Variants in CMTM8 observed in about 807,000 individuals in gnomAD.
The protein encoded by CMTM8 is CKLF like MARVEL transmembrane domain containing 8.
CMTM8 carries 12 observed loss-of-function variants against 18.6 expected under a neutral mutation model. The observed-to-expected ratio is 0.65, with a 90% CI of 0.41 to 1.05. The LOEUF (loss-of-function observed/expected upper bound fraction) is 1.05. Among genes scored for constraint, CMTM8 ranks in the 50% least tolerant of loss-of-function variants. The pLI is 0.00. For missense variants in CMTM8, 217 were observed against 227.2 expected (o/e 0.95, Z 0.29); for synonymous variants, 87 against 90.6 (o/e 0.96, Z 0.23).
intron 1 of CMTM8, among the ~76,000 whole-genome samples, chr3:32,276,450 T>G (rs1702520311): frequency 6.6e-6 from 1 of 152,164 alleles, no homozygotes; most frequent in African/African-American, 2.4e-5. Flanking sequence ...GGATAGCAAG[T>G]GGTTTGAACT....
rs185003948 is a variant in CMTM8 at position 32,329,247 on chromosome 3, G to T, written c.148-28126G>T. 2.2e-4 allele frequency among the ~76,000 whole-genome samples: 34 copies of T among 152,162 alleles called. 1 individual carries two copies. Among genetic ancestry groups the T allele is most frequent in the Admixed American group, 1.7e-3 (26 of 15,282 alleles). On this transcript the variant is annotated intron_variant, in intron 1 of 3. Coordinates refer to ENST00000307526, the MANE Select transcript of CMTM8 (RefSeq NM_178868.5). ...AGCCCGGCTAATTTTTGTATTTTTAGTAGAGGTGGAGTTTCACCATGTTGA... is the reference window on the plus strand; with the variant it reads ...AGCCCGGCTAATTTTTGTATTTTTATTAGAGGTGGAGTTTCACCATGTTGA...
At chr3:32,329,314 C>T (rs1007754671) in intron 1 of CMTM8, among the ~76,000 whole-genome samples, 9 of 152,324 alleles carry the variant, frequency 5.9e-5, no homozygotes, top group Admixed American at 4.6e-4. Context: ...GATCCACCCA[C>T]CTCAGCTTCC....
In CMTM8 at chr3:32,361,286, G is replaced by GTTTGTTTTTTTTTTTTTTTTTTTTTT. The variant is rs140270969; in HGVS notation, c.321+3743_321+3744insGTTTTTTTTTTTTTTTTTTTTTTTTT. 1.5e-4 allele frequency among the ~76,000 whole-genome samples: 13 copies of GTTTGTTTTTTTTTTTTTTTTTTTTTT among 87,260 alleles called. 1 individual carries two copies. Among genetic ancestry groups the GTTTGTTTTTTTTTTTTTTTTTTTTTT allele is most frequent in the South Asian group, 4.6e-4 (1 of 2,196 alleles). 57.2% of individuals were successfully genotyped at this position (87,260 alleles called of 152,430 possible). A position where few individuals can be genotyped will look rare whatever the true frequency, so the allele number is the denominator to read the frequency against. ...GTGAGCCACGGCGCCCAGCCTAAGA[G>GTTTGTTTTTTTTTTTTTTTTTTTTTT]TTTTTTTTTCTTTCAAATTTTGGAA... On this transcript the variant is annotated intron_variant, in intron 2 of 3. Coordinates refer to ENST00000307526, the MANE Select transcript of CMTM8 (RefSeq NM_178868.5).
chr3:32,257,317 T>G (rs1702187068), intron 1 of CMTM8, among the ~76,000 whole-genome samples: 1 of 152,224 alleles, frequency 6.6e-6, no homozygotes, highest in Non-Finnish European at 1.5e-5. Flanking sequence ...TTTGGGCTCT[T>G]TATAAGTACT....
At chr3:32,314,917 T>C (rs1423008537) in intron 1 of CMTM8, among the ~76,000 whole-genome samples, 1 of 2,700 alleles carries the variant, frequency 3.7e-4, no homozygotes, top group Non-Finnish European at 0.017. Context: ...TACACAGATC[T>C]TTATTTTTTT....
intron 1 of CMTM8, among the ~76,000 whole-genome samples, chr3:32,303,430 A>C (rs1433776522): frequency 6.6e-6 from 1 of 152,214 alleles, no homozygotes; most frequent in Admixed American, 6.5e-5. Flanking sequence ...ACAGGGTCAA[A>C]TGTGTTGGTT....
chr3:32,366,075 A>T (rs1340809329), intron 2 of CMTM8, among the ~76,000 whole-genome samples: 1 of 152,082 alleles, frequency 6.6e-6, no homozygotes, highest in Non-Finnish European at 1.5e-5. Context: ...TTCCCCGGAC[A>T]TGTTTACTTT....
intron 1 of CMTM8, among the ~76,000 whole-genome samples, chr3:32,295,483 A>AAAAAAAAAG (rs1559372458): frequency 8.5e-6 from 1 of 117,052 alleles, no homozygotes; most frequent in African/African-American, 3.7e-5. Context: ...AAAAAACAAA[A>AAAAAAAAAG]CAAAACAGCG....
chr3:32,312,826 T>G (rs1036564768), intron 1 of CMTM8, among the ~76,000 whole-genome samples: 1 of 151,620 alleles, frequency 6.6e-6, no homozygotes, highest in African/African-American at 2.4e-5. Context: ...AATCACCTTA[T>G]TAACATAAAC....
intron 1 of CMTM8, among the ~76,000 whole-genome samples, chr3:32,328,738 T>C (rs1412338165): frequency 6.6e-6 from 1 of 152,126 alleles, no homozygotes; most frequent in African/African-American, 2.4e-5. Context: ...TTGGATAATC[T>C]AGAAGAACAG....
chr3:32,277,751 G>C lies in CMTM8; in HGVS notation c.147+38632G>C, dbSNP rs116707613. On this transcript the variant is annotated intron_variant, in intron 1 of 3. Transcript: ENST00000307526. The stretch of plus-strand genomic sequence containing the variant: ...TGTTGAAAATCAGAATTAGTTGCCA[G>C]TAAGTAAATATCAGATATTATAAGA... 1.4e-3 allele frequency among the ~76,000 whole-genome samples: 219 copies of C among 152,314 alleles called. 1 individual carries two copies. The highest frequency in any genetic ancestry group is 2.2e-3 in the Non-Finnish European group (147 of 68,030).
Position 32,345,451 on chromosome 3 carries a change from G to A in CMTM8, c.148-11922G>A, listed in dbSNP as rs552993686. On this transcript the variant is annotated intron_variant, in intron 1 of 3. Transcript: ENST00000307526. Reference sequence around the variant, plus strand: ...CACTTTCCTTCTATAGCACAAGGCAGCAATTGAAATATTTGATGTTTGTGA... The same window carrying A: ...CACTTTCCTTCTATAGCACAAGGCAACAATTGAAATATTTGATGTTTGTGA... 6.6e-5 allele frequency among the ~76,000 whole-genome samples: 10 copies of A among 152,282 alleles called. No homozygotes were observed. In the East Asian group the frequency reaches 1.2e-3, roughly 18 times the overall value.
chr3:32,360,502 G>A (rs1489809541), intron 2 of CMTM8, among the ~76,000 whole-genome samples: 2 of 152,232 alleles, frequency 1.3e-5, no homozygotes, highest in East Asian at 1.9e-4. Context: ...TATCCAGAGC[G>A]GAGACTGGAA....
intron 1 of CMTM8, among the ~76,000 whole-genome samples, chr3:32,279,731 C>G (rs1365305619): frequency 9.1e-6 from 1 of 110,468 alleles, no homozygotes; most frequent in Admixed American, 1.0e-4. Context: ...ATTTCTAGTT[C>G]TAGATCCCTG....
At chr3:32,344,251 C>G (rs1696553544) in intron 1 of CMTM8, among the ~76,000 whole-genome samples, 1 of 152,208 alleles carries the variant, frequency 6.6e-6, no homozygotes, top group Non-Finnish European at 1.5e-5. Flanking sequence ...ATCCCCTGAG[C>G]TAAGCCAGCT....
At chr3:32,262,812 A>C (rs1390241655) in intron 1 of CMTM8, among the ~76,000 whole-genome samples, 1 of 152,140 alleles carries the variant, frequency 6.6e-6, no homozygotes, top group Non-Finnish European at 1.5e-5. Context: ...ATTGTACATT[A>C]ATTCCCCCTG....
chr3:32,301,560 A>T (rs982896671), intron 1 of CMTM8, among the ~76,000 whole-genome samples: 1 of 152,010 alleles, frequency 6.6e-6, no homozygotes, highest in Admixed American at 6.6e-5. Flanking sequence ...ATGAAGAGGG[A>T]TAGGGGAGAC....
intron 1 of CMTM8, among the ~76,000 whole-genome samples, chr3:32,344,275 G>A (rs1214522908): frequency 6.6e-6 from 1 of 152,192 alleles, no homozygotes; most frequent in Non-Finnish European, 1.5e-5. Flanking sequence ...AACAGCTGGT[G>A]CTTTACTTCT....
At position 32,288,984 on chromosome 3, in the gene CMTM8, G is replaced by A. The variant is rs1368493539; in HGVS notation, c.147+49865G>A. On this transcript the variant is annotated intron_variant, in intron 1 of 3. Coordinates refer to ENST00000307526, the MANE Select transcript of CMTM8 (RefSeq NM_178868.5). Reference sequence around the variant, plus strand: ...CAGTAAGTGACAAAGCCACCATGTGGTACTTTGTGTCTTGCAGTTTCTTTT... The same window carrying A: ...CAGTAAGTGACAAAGCCACCATGTGATACTTTGTGTCTTGCAGTTTCTTTT... Among the ~76,000 whole-genome samples the A allele has an allele frequency of 5.3e-5, 8 of 152,288 alleles. No individual in the cohort carries two copies. The East Asian group carries it at 5.8e-4, about 11-fold the overall frequency.
Sources: allele counts gnomAD v4.1 joint callset (sites outside exome capture counted in the v4.1 genomes callset), GRCh38; gene constraint gnomAD v4.1.1; transcripts MANE v1.5; gene names NCBI Gene and HGNC (gene_info 2026-07-23, HGNC 2026-07-21).